Variants in PTPRS observed in about 807,000 individuals in gnomAD.
PTPRS encodes receptor-type tyrosine-protein phosphatase S.
PTPRS carries 63 observed loss-of-function variants against 215.3 expected under a neutral mutation model. The observed-to-expected ratio is 0.29, with a 90% confidence interval of 0.24 to 0.36. PTPRS has a LOEUF of 0.36. Among genes scored for constraint, PTPRS ranks in the 10% least tolerant of loss-of-function variants. The pLI is 1.00. For synonymous variants in PTPRS, 1,404 were observed against 1,191.4 expected (o/e 1.18, Z -3.68); for missense variants, 2,258 against 2,825.8 (o/e 0.80, Z 4.56).
chr19:5,213,308 C>A (rs1430615527), intron 30 of PTPRS, among the ~76,000 whole-genome samples: 1 of 117,284 alleles, frequency 8.5e-6, no homozygotes, highest in Non-Finnish European at 2.0e-5. Flanking sequence ...ATGGCTCCTG[C>A]CTCCCACAGG....
At chr19:5,221,563 C>A (rs943102147) in intron 19 of PTPRS, among the ~76,000 whole-genome samples, 7 of 151,990 alleles carry the variant, frequency 4.6e-5, no homozygotes, top group African/African-American at 7.3e-5. Flanking sequence ...CCCAATCCCA[C>A]TGAACCCTGA....
rs189602035 is a variant in PTPRS at position 5,249,236 on chromosome 19, G to A, written c.719-3191C>T. ...TGAGGCAGGAGAACTGCCGGAACCC[G>A]GGAGGCAGAGGTTGCAGTGAACTGA... On this transcript the variant is annotated intron_variant, in intron 9 of 37. Coordinates refer to ENST00000262963, the MANE Select transcript of PTPRS (RefSeq NM_002850.4). 3.6e-3 allele frequency among the ~76,000 whole-genome samples: 542 copies of A among 152,298 alleles called. 5 individuals are homozygous for A. The highest frequency in any genetic ancestry group is 0.012 in the African/African-American group (517 of 41,546).
At chr19:5,277,551 G>T (rs1368611299) in intron 2 of PTPRS, among the ~76,000 whole-genome samples, 1 of 151,678 alleles carries the variant, frequency 6.6e-6, no homozygotes, top group Non-Finnish European at 1.5e-5. Context: ...AGCTACTCGG[G>T]AGGCTGAGGC....
chr19:5,211,259 G>A (rs770021708), intron 33 of PTPRS, among the ~76,000 whole-genome samples: 1 of 152,160 alleles, frequency 6.6e-6, no homozygotes, highest in Non-Finnish European at 1.5e-5. Context: ...GTGTACTGTA[G>A]GATGCTGAGC....
intron 4 of PTPRS, among the ~76,000 whole-genome samples, chr19:5,266,024 C>T (rs1401607255): frequency 6.6e-6 from 1 of 152,096 alleles, no homozygotes; most frequent in Non-Finnish European, 1.5e-5. Context: ...CTTTGGGAGG[C>T]CGAGACAGGT....
At chr19:5,218,582 T>C (rs1235378920) in intron 24 of PTPRS, 50 bp from the exon 25 acceptor site, 9 of 1,573,192 alleles carry the variant, frequency 5.7e-6, no homozygotes, top group African/African-American at 5.4e-5. Flanking sequence ...CACATGTTCA[T>C]GTGTGAACAC....
rs528568401 is a variant in PTPRS, at chr19:5,205,569, C to A, written c.*1205G>T. On this transcript the variant is annotated 3_prime_UTR_variant, in exon 38 of 38. Coordinates refer to ENST00000262963, the MANE Select transcript of PTPRS (RefSeq NM_002850.4). ...TACATACACGGGGGTGGGAAAACCA[C>A]CCGGCTGCTTCCGCTGGAATAAACA... 6.6e-6 allele frequency among the ~76,000 whole-genome samples: 1 copy of A among 152,228 alleles called. No homozygotes were observed. The highest frequency in any genetic ancestry group is 1.5e-5 in the Non-Finnish European group (1 of 68,050).
intron 1 of PTPRS, among the ~76,000 whole-genome samples, chr19:5,332,130 ATTT>A (rs34525422): frequency 6.9e-6 from 1 of 145,150 alleles, no homozygotes; most frequent in South Asian, 2.2e-4. Context: ...AAATAGGGCA[ATTT>A]TTTTTTTTTT....
rs2041516888 is a variant in PTPRS at position 5,216,841 on chromosome 19, C to A, written c.4049-74G>T. 7 of 976,152 alleles carry A rather than the reference C, an allele frequency of 7.2e-6. 1 individual carries two copies. The South Asian group carries it at 8.4e-5, about 12-fold the overall frequency. 60.5% of individuals were successfully genotyped at this position (976,152 alleles called of 1,614,324 possible). ...GGGGTCCCACCTCTGCCTCCCCCAC[C>A]CCTCACTGGCTGGCGGATGCAAAGG... On this transcript the variant is annotated intron_variant, in intron 25 of 37. Coordinates refer to ENST00000262963, the MANE Select transcript of PTPRS (RefSeq NM_002850.4).
intron 6 of PTPRS, among the ~76,000 whole-genome samples, chr19:5,262,512 T>C (rs930641991): frequency 6.6e-6 from 1 of 152,168 alleles, no homozygotes; most frequent in Admixed American, 6.5e-5. Flanking sequence ...CAGTAGCAGC[T>C]AGGCTGGAAA....
chr19:5,215,901 G>T (rs1462130713), intron 26 of PTPRS, among the ~76,000 whole-genome samples: 1 of 152,188 alleles, frequency 6.6e-6, no homozygotes, highest in Non-Finnish European at 1.5e-5. Flanking sequence ...AGCTGGGGGT[G>T]CAGGGGCTGG....
At chr19:5,221,687 C>A (rs1042405833) in intron 19 of PTPRS, among the ~76,000 whole-genome samples, 1 of 152,088 alleles carries the variant, frequency 6.6e-6, no homozygotes, top group East Asian at 1.9e-4. Flanking sequence ...CCCAGGCTGA[C>A]CCCCGATCCC....
intron 6 of PTPRS, among the ~76,000 whole-genome samples, chr19:5,262,378 G>A (rs1235333215): frequency 1.3e-5 from 2 of 152,198 alleles, no homozygotes; most frequent in Non-Finnish European, 2.9e-5. Context: ...CTCCCACCCT[G>A]AGAGAGATGA....
intron 30 of PTPRS, among the ~76,000 whole-genome samples, chr19:5,212,798 G>A (rs1297290197): frequency 6.6e-6 from 1 of 151,528 alleles, no homozygotes; most frequent in Non-Finnish European, 1.5e-5. Flanking sequence ...AGCTGAGATG[G>A]CGCCACTGTA....
intron 37 of PTPRS, among the ~76,000 whole-genome samples, chr19:5,207,371 C>T (rs988500883): frequency 4.6e-5 from 7 of 152,222 alleles, no homozygotes; most frequent in Non-Finnish European, 7.3e-5. Flanking sequence ...AGGCATAAGC[C>T]ACCACACCCA....
intron 1 of PTPRS, among the ~76,000 whole-genome samples, chr19:5,323,175 G>A (rs1480363124): frequency 2.0e-5 from 3 of 151,958 alleles, no homozygotes; most frequent in East Asian, 3.9e-4. Flanking sequence ...TGACCAACAT[G>A]GCAAAACCCC....
At chr19:5,329,848 G>C (rs1475986394) in intron 1 of PTPRS, among the ~76,000 whole-genome samples, 2 of 151,956 alleles carry the variant, frequency 1.3e-5, no homozygotes, top group Non-Finnish European at 2.9e-5. Flanking sequence ...AGGCCGAGGT[G>C]TGTGGATCAC....
chr19:5,215,286 T>A lies in PTPRS; in HGVS notation c.4318+3A>T. 1.2e-6 allele frequency: 2 copies of A among 1,613,564 alleles called. No individual in the cohort carries two copies. Among genetic ancestry groups the A allele is most frequent in the Admixed American group, 3.3e-5 (2 of 60,014 alleles). Reference sequence around the variant, plus strand: ...AGGTTAAGACCCGGGATCTCCGAACTACCTTCAATGGGCTGGAGGATGACA... The same window carrying A: ...AGGTTAAGACCCGGGATCTCCGAACAACCTTCAATGGGCTGGAGGATGACA... On this transcript the variant is annotated splice_donor_region_variant and intron_variant, in intron 28 of 37. Coordinates refer to ENST00000262963, the MANE Select transcript of PTPRS (RefSeq NM_002850.4).
intron 1 of PTPRS, among the ~76,000 whole-genome samples, chr19:5,296,763 G>C (rs1038986328): frequency 2.6e-5 from 4 of 151,942 alleles, no homozygotes; most frequent in African/African-American, 9.7e-5. Flanking sequence ...AGATGCGCAC[G>C]GCCTCAGAGG....
Sources: allele counts gnomAD v4.1 joint callset (sites outside exome capture counted in the v4.1 genomes callset), GRCh38; gene constraint gnomAD v4.1.1; transcripts MANE v1.5; gene names NCBI Gene and HGNC (gene_info 2026-07-23, HGNC 2026-07-21).